Variants in TECPR2 observed in about 807,000 individuals in gnomAD.
TECPR2 encodes the protein tectonin beta-propeller repeat-containing protein 2.
In TECPR2, 65 loss-of-function variants were observed where a neutral mutation model predicts 138.1. That is an observed-to-expected ratio of 0.47 (90% CI 0.39 to 0.58). The LOEUF (loss-of-function observed/expected upper bound fraction) is 0.58, where lower values mean the gene tolerates loss of function less well. Ranked by LOEUF, TECPR2 falls within the 20% of genes least tolerant of loss-of-function variation. TECPR2 has a pLI of 0.00. For synonymous variants in TECPR2, 746 were observed against 749.8 expected (o/e 0.99, Z 0.08); for missense variants, 1,553 against 1,824.5 (o/e 0.85, Z 2.71).
intron 16 of TECPR2, among the ~76,000 whole-genome samples, chr14:102,462,654 C>T (rs4906203): frequency 0.31 from 46,725 of 152,050 alleles, 7,796 homozygotes; most frequent in East Asian, 0.49. Context: ...CCTCCACCTG[C>T]CCCTCTCCAG....
rs1460027694 is a variant in TECPR2 at position 102,499,402 on chromosome 14, A to G, written c.*1145A>G. The G allele has an allele frequency of 3.4e-6, 2 of 593,464 alleles. No homozygotes were observed. The highest frequency in any genetic ancestry group is 2.9e-5 in the Admixed American group (1 of 33,954). The allele number at this position is 593,464 out of a possible 1,614,324, so 36.8% of individuals were successfully genotyped here. On this transcript the variant is annotated 3_prime_UTR_variant, in exon 20 of 20. Transcript: ENST00000359520. Reference sequence around the variant, plus strand: ...ATTTAGAAGAGAGATATGTTTTCCGAAAACAGTGGAAGCCCTTTGTTCCTT... The same window carrying G: ...ATTTAGAAGAGAGATATGTTTTCCGGAAACAGTGGAAGCCCTTTGTTCCTT...
At chr14:102,461,421 A>C (rs1244549663) in intron 16 of TECPR2, among the ~76,000 whole-genome samples, 1 of 152,248 alleles carries the variant, frequency 6.6e-6, no homozygotes, top group African/African-American at 2.4e-5. Context: ...AAAATGTCAA[A>C]TAAATGCCAC....
intron 1 of TECPR2, among the ~76,000 whole-genome samples, chr14:102,373,890 C>T (rs891497853): frequency 1.3e-5 from 2 of 151,662 alleles, no homozygotes; most frequent in Admixed American, 1.3e-4. Flanking sequence ...ACCAGCCTGG[C>T]CAATATGGGG....
rs1351045787 is a variant in TECPR2, at chr14:102,445,830, C to T, written c.2958C>T (p.Val986=). The T allele has an allele frequency of 6.2e-7, 1 of 1,613,930 alleles. No individual in the cohort carries two copies. The highest frequency in any genetic ancestry group is 1.1e-5 in the South Asian group (1 of 91,062). The change falls in exon 13 of 20, where the codon GTC becomes GTT. Residue 986 remains valine, a synonymous_variant. Transcript: ENST00000359520. ...IVSERQALEP[V]CITLGDQQTL... is the part of the protein sequence containing the mutation. Reference sequence around the variant, plus strand: ...GCGAAAGGCAAGCTTTAGAACCCGTCTGCATAACGCTCGGGGATCAGCAGA... The same window carrying T: ...GCGAAAGGCAAGCTTTAGAACCCGTTTGCATAACGCTCGGGGATCAGCAGA...
intron 8 of TECPR2, among the ~76,000 whole-genome samples, chr14:102,432,779 G>A (rs1286682680): frequency 1.3e-5 from 2 of 151,966 alleles, no homozygotes; most frequent in Non-Finnish European, 2.9e-5. Context: ...GCCGAGGCAG[G>A]CGGATCACGA....
chr14:102,431,777 C>A lies in TECPR2; in HGVS notation c.1085-19C>A. 9 of 1,528,466 alleles carry A rather than the reference C, an allele frequency of 5.9e-6. No homozygotes were observed. The highest frequency in any genetic ancestry group is 7.9e-6 in the Non-Finnish European group (9 of 1,134,464). The allele number at this position is 1,528,466 out of a possible 1,614,324, so 94.7% of individuals were successfully genotyped here. On this transcript the variant is annotated intron_variant, in intron 7 of 19. Transcript: ENST00000359520. The stretch of plus-strand genomic sequence containing the variant: ...CTCTCTTGGATCACCAGTGGTAAAA[C>A]CAGACTCTTCTTTCTTAGTGAGAGA...
chr14:102,396,454 G>A (rs1036944214), intron 2 of TECPR2, among the ~76,000 whole-genome samples: 1 of 152,066 alleles, frequency 6.6e-6, no homozygotes, highest in Admixed American at 6.6e-5. Flanking sequence ...CAGCATTTTC[G>A]TCATTAGAAA....
intron 2 of TECPR2, among the ~76,000 whole-genome samples, chr14:102,392,852 GAAAGAGAATAAATTC>G (rs1233379736): frequency 6.6e-6 from 1 of 152,156 alleles, no homozygotes; most frequent in Non-Finnish European, 1.5e-5. Context: ...GCTTTGCTTG[GAAAGAGAATAAATTC>G]AAACTCTGAT....
intron 16 of TECPR2, among the ~76,000 whole-genome samples, chr14:102,457,003 C>T (rs1001239300): frequency 2.0e-5 from 3 of 152,100 alleles, no homozygotes; most frequent in Non-Finnish European, 4.4e-5. Context: ...GAGCATCAGG[C>T]CAGGGGCACC....
chr14:102,382,422 G>A (rs1463917914), intron 2 of TECPR2, among the ~76,000 whole-genome samples: 1 of 152,118 alleles, frequency 6.6e-6, no homozygotes, highest in African/African-American at 2.4e-5. Flanking sequence ...TAACAACATA[G>A]CTTCACACAA....
In TECPR2 at chr14:102,415,577, G is replaced by A. The variant is rs1381240700; in HGVS notation, c.638+784G>A. Among the ~76,000 whole-genome samples the A allele has an allele frequency of 6.6e-6, 1 of 152,118 alleles. No homozygotes were observed. Among genetic ancestry groups the A allele is most frequent in the Non-Finnish European group, 1.5e-5 (1 of 68,020 alleles). On this transcript the variant is annotated intron_variant, in intron 5 of 19. Coordinates refer to ENST00000359520, the MANE Select transcript of TECPR2 (RefSeq NM_014844.5). This position sits in a 1 kb window ranked among gnomAD's most constrained non-coding sequence, Gnocchi z 4.3. ...AGTTTGCGTGGGGATGGGGTGAGGAGGGGTAGGTAGAGCAGTGGAGCTGAC... is the reference window on the plus strand; with the variant it reads ...AGTTTGCGTGGGGATGGGGTGAGGAAGGGTAGGTAGAGCAGTGGAGCTGAC...
intron 17 of TECPR2, 68 bp from the exon 18 acceptor site, chr14:102,496,911 G>T: frequency 6.3e-7 from 1 of 1,580,878 alleles, no homozygotes; most frequent in South Asian, 1.2e-5. Flanking sequence ...CCCCAGTTCC[G>T]GAAGTCTCCT....
intron 1 of TECPR2, 66 bp from the exon 2 acceptor site, chr14:102,376,584 A>T: frequency 1.4e-6 from 1 of 720,578 alleles, no homozygotes; most frequent in South Asian, 1.8e-5. Flanking sequence ...CCATGTTGCC[A>T]GTATTAAACA....
chr14:102,431,622 G>A (rs376335116), intron 7 of TECPR2, among the ~76,000 whole-genome samples, 174 bp from the exon 8 acceptor site: 16 of 152,318 alleles, frequency 1.1e-4, no homozygotes, highest in Middle Eastern at 3.4e-3. Flanking sequence ...GATTACAGGC[G>A]TGAGTCACCG....
chr14:102,471,237 C>A (rs1890647290), intron 17 of TECPR2, among the ~76,000 whole-genome samples: 1 of 152,098 alleles, frequency 6.6e-6, no homozygotes, highest in African/African-American at 2.4e-5. Flanking sequence ...CAGGTGTGAG[C>A]CACTGCACCC....
At chr14:102,449,336 A>G (rs1034990365) in intron 13 of TECPR2, among the ~76,000 whole-genome samples, 1 of 152,260 alleles carries the variant, frequency 6.6e-6, no homozygotes, top group African/African-American at 2.4e-5. Flanking sequence ...AAAGTAATAC[A>G]TGCTTGTAAC....
At chr14:102,381,488 C>A (rs978645426) in intron 2 of TECPR2, among the ~76,000 whole-genome samples, 1 of 152,172 alleles carries the variant, frequency 6.6e-6, no homozygotes, top group East Asian at 1.9e-4. Flanking sequence ...GCATGAGAAT[C>A]GCTTGAATCT....
At chr14:102,391,823 A>G (rs1388846510) in intron 2 of TECPR2, among the ~76,000 whole-genome samples, 1 of 152,076 alleles carries the variant, frequency 6.6e-6, no homozygotes, top group Admixed American at 6.5e-5. Context: ...CTAAATTGTG[A>G]GGCCTCCTGA....
At chr14:102,439,702 G>T (rs1311912373) in intron 10 of TECPR2, among the ~76,000 whole-genome samples, 13 of 152,216 alleles carry the variant, frequency 8.5e-5, no homozygotes, top group Admixed American at 5.9e-4. Context: ...CCATGTCCTT[G>T]GTGGGCAGCA....
Sources: allele counts gnomAD v4.1 joint callset (sites outside exome capture counted in the v4.1 genomes callset), GRCh38; gene constraint gnomAD v4.1.1; non-coding constraint Gnocchi (gnomAD v3.1); transcripts MANE v1.5; gene names NCBI Gene and HGNC (gene_info 2026-07-23, HGNC 2026-07-21).